CDC42BPB: variants seen among roughly 807,000 people sequenced by gnomAD.
CDC42BPB encodes the protein CDC42 binding protein kinase beta.
In CDC42BPB, 37 loss-of-function variants were observed where a neutral mutation model predicts 214.9. That is an observed-to-expected ratio of 0.17 (90% CI 0.13 to 0.23). The LOEUF (loss-of-function observed/expected upper bound fraction) is 0.23, where lower values mean the gene tolerates loss of function less well. Ranked by LOEUF, CDC42BPB falls within the 10% of genes least tolerant of loss-of-function variation. CDC42BPB has a pLI of 1.00. For synonymous variants in CDC42BPB, 931 were observed against 884.0 expected, an observed-to-expected ratio of 1.05 and a Z score of -0.94; for missense variants, 1,694 against 2,227.0, an observed-to-expected ratio of 0.76 and a Z score of 4.82.
chr14:103,003,320 C>T (rs935906276), intron 4 of CDC42BPB, among the ~76,000 whole-genome samples: 5 of 152,234 alleles, frequency 3.3e-5, no homozygotes, highest in African/African-American at 4.8e-5. Context: ...GCTGGTTTCC[C>T]CTTCACCGCC....
Position 102,984,669 on chromosome 14 carries a change from G to GGA in CDC42BPB, c.691-915_691-914dup, listed in dbSNP as rs528330095. On this transcript the variant is annotated intron_variant, in intron 6 of 36. Coordinates refer to ENST00000361246, the MANE Select transcript of CDC42BPB (RefSeq NM_006035.4). ...AAATCATCCAAGCAGAGAGAACGAT[G>GGA]GAGAGTATAGGGCCATCCTGACGGG... Among the ~76,000 whole-genome samples, 39 of 152,096 alleles carry GGA rather than the reference G, an allele frequency of 2.6e-4. 1 individual carries two copies. Among genetic ancestry groups the GGA allele is most frequent in the Admixed American group, 2.6e-3 (39 of 15,278 alleles).
Position 102,947,765 on chromosome 14 carries a change from C to T in CDC42BPB, c.3487G>A (p.Asp1163Asn). 1 of 1,612,626 alleles carries T rather than the reference C, an allele frequency of 6.2e-7. No individual in the cohort carries two copies. Among genetic ancestry groups the T allele is most frequent in the Non-Finnish European group, 8.5e-7 (1 of 1,179,884 alleles). The change falls in exon 27 of 37, where the codon GAT becomes AAT. Residue 1163 changes from aspartate to asparagine, a missense_variant. By Grantham distance (23) the Asp-to-Asn change is conservative. Coordinates refer to ENST00000361246, the MANE Select transcript of CDC42BPB (RefSeq NM_006035.4). Reference sequence around the variant, plus strand: ...TCTCGGCGTGTAGCATGAATGACATCTGAGGCCAGGACTGAGCTCACGGAA... The same window carrying T: ...TCTCGGCGTGTAGCATGAATGACATTTGAGGCCAGGACTGAGCTCACGGAA... ...EFSVSSVLAS[D>N]VIHATRRDIP...
Position 102,975,755 on chromosome 14 carries a change from C to G in CDC42BPB, c.1436G>C (p.Ser479Thr). 8 of 1,614,144 alleles carry G rather than the reference C, an allele frequency of 5.0e-6. No homozygotes were observed. Among genetic ancestry groups the G allele is most frequent in the Non-Finnish European group, 5.9e-6 (7 of 1,180,018 alleles). ...QSLHGSSRAL[S>T]NSNRDKEIKK... ...GATTTCTTTATCTCGGTTTGAATTGCTGAGGGCCCGAGATGAGCCGTGGAG... is the reference window on the plus strand; with the variant it reads ...GATTTCTTTATCTCGGTTTGAATTGGTGAGGGCCCGAGATGAGCCGTGGAG... Residue 479 changes from serine (S) to threonine (T), a missense_variant, in exon 11 of 37, where the codon AGC becomes ACC. Physicochemically the swap from Ser to Thr is moderately conservative, Grantham distance 58 (BLOSUM62 1). Around this residue, in one of 7 missense-constraint regions of CDC42BPB, gnomAD observed 462 missense variants for 513.5 expected, o/e 0.90. Coordinates refer to ENST00000361246, the MANE Select transcript of CDC42BPB (RefSeq NM_006035.4).
chr14:102,981,694 T>C (rs1446401612), intron 7 of CDC42BPB, among the ~76,000 whole-genome samples: 1 of 152,142 alleles, frequency 6.6e-6, no homozygotes, highest in African/African-American at 2.4e-5. Flanking sequence ...CGAGAATCGC[T>C]TAAACTCGGG....
chr14:103,003,503 C>CA (rs1329354111), intron 4 of CDC42BPB, among the ~76,000 whole-genome samples: 3 of 151,804 alleles, frequency 2.0e-5, no homozygotes, highest in African/African-American at 7.2e-5. Flanking sequence ...GCCTGGGGCA[C>CA]CCCCCCCACC....
chr14:102,981,610 G>A (rs185169208), intron 7 of CDC42BPB, among the ~76,000 whole-genome samples: 2 of 152,208 alleles, frequency 1.3e-5, no homozygotes, highest in East Asian at 3.9e-4. Context: ...GTGAAACCCT[G>A]TCTCTACTAA....
At chr14:102,969,379 G>A (rs1041099770) in intron 14 of CDC42BPB, among the ~76,000 whole-genome samples, 10 of 152,148 alleles carry the variant, frequency 6.6e-5, no homozygotes, top group Admixed American at 4.6e-4. Flanking sequence ...AGGCCCTGCC[G>A]CACAGGAATG....
intron 5 of CDC42BPB, among the ~76,000 whole-genome samples, chr14:102,988,055 C>T (rs189101978): frequency 1.3e-5 from 2 of 152,076 alleles, no homozygotes; most frequent in South Asian, 2.1e-4. Context: ...GCTGATTTAA[C>T]TCAGGGAAGA....
intron 2 of CDC42BPB, among the ~76,000 whole-genome samples, chr14:103,010,781 C>T (rs1886112225): frequency 6.6e-6 from 1 of 152,192 alleles, no homozygotes; most frequent in Admixed American, 6.5e-5. Flanking sequence ...CCTGTAATCC[C>T]AGCACTTTGG....
chr14:103,003,238 C>A (rs1002118888), intron 4 of CDC42BPB, among the ~76,000 whole-genome samples: 5 of 152,176 alleles, frequency 3.3e-5, no homozygotes, highest in Non-Finnish European at 7.3e-5. Context: ...TTCAGGCAAA[C>A]CTAGAGTCAC....
chr14:102,966,454 G>A, intron 17 of CDC42BPB, 67 bp from the exon 18 acceptor site: 2 of 1,591,104 alleles, frequency 1.3e-6, no homozygotes, highest in Non-Finnish European at 1.7e-6. Context: ...AACAAGAAGG[G>A]GACGTTCCCG....
chr14:102,947,561 TG>T (rs1386429279), intron 27 of CDC42BPB, among the ~76,000 whole-genome samples, 159 bp downstream of exon 27: 1 of 151,848 alleles, frequency 6.6e-6, no homozygotes, highest in African/African-American at 2.4e-5. Context: ...GGCTGCTACT[TG>T]GCCAGGACGG....
intron 5 of CDC42BPB, among the ~76,000 whole-genome samples, chr14:102,992,126 C>T (rs1427106087): frequency 6.6e-6 from 1 of 152,066 alleles, no homozygotes; most frequent in Non-Finnish European, 1.5e-5. Flanking sequence ...GGGTGGTGAC[C>T]CCTGGGGAGG....
Position 102,938,408 on chromosome 14 carries a change from C to T in CDC42BPB, c.4831G>A (p.Ala1611Thr). Residue 1611 changes from alanine (A) to threonine (T), a missense_variant, in exon 35 of 37, where the codon GCT (alanine) becomes ACT (threonine). Physicochemically the swap from Ala to Thr is moderately conservative, Grantham distance 58 (BLOSUM62 0). Around this residue, in one of 7 missense-constraint regions of CDC42BPB, gnomAD observed 146 missense variants for 134.1 expected, o/e 1.09. Transcript: ENST00000361246. Reference sequence around the variant, plus strand: ...CTTTCCTCCTGGGAGGGGGGCACAGCACTCTGGGCAGAAATAGCAACACGT... The same window carrying T: ...CTTTCCTCCTGGGAGGGGGGCACAGTACTCTGGGCAGAAATAGCAACACGT... Reference protein sequence around the residue: ...MQVLMDLPLSAVPPSQEERPG... With the variant: ...MQVLMDLPLSTVPPSQEERPG... The T allele has an allele frequency of 6.5e-7, 1 of 1,535,760 alleles. No homozygotes were observed. Among genetic ancestry groups the T allele is most frequent in the South Asian group, 1.3e-5 (1 of 76,660 alleles).
intron 1 of CDC42BPB, among the ~76,000 whole-genome samples, chr14:103,022,964 GAA>G (rs1445283623): frequency 6.6e-6 from 1 of 151,540 alleles, no homozygotes; most frequent in Non-Finnish European, 1.5e-5. Flanking sequence ...TACACACCAT[GAA>G]AAAAGCAGCA....
intron 11 of CDC42BPB, among the ~76,000 whole-genome samples, chr14:102,974,809 A>G (rs1297721731): frequency 6.6e-6 from 1 of 152,108 alleles, no homozygotes; most frequent in African/African-American, 2.4e-5. Flanking sequence ...AAAATACAAA[A>G]AATTAGCCAG....
At chr14:102,981,529 C>T (rs1310783265) in intron 7 of CDC42BPB, among the ~76,000 whole-genome samples, 2 of 152,160 alleles carry the variant, frequency 1.3e-5, no homozygotes, top group African/African-American at 4.8e-5. Context: ...GCCTGTAATC[C>T]CAGCACTTTG....
intron 1 of CDC42BPB, among the ~76,000 whole-genome samples, chr14:103,045,061 A>C (rs1023582735): frequency 4.0e-5 from 6 of 151,454 alleles, no homozygotes. Context: ...TAAATAAATA[A>C]ATAAATATTG....
chr14:102,938,434 G>T, intron 34 of CDC42BPB, 23 bp from the exon 35 acceptor site: 1 of 1,516,274 alleles, frequency 6.6e-7, no homozygotes. Context: ...AGCAACACGT[G>T]AGCATGCTTG....
Sources: allele counts gnomAD v4.1 joint callset (sites outside exome capture counted in the v4.1 genomes callset), GRCh38; gene constraint gnomAD v4.1.1; regional missense constraint gnomAD v4.1.1; transcripts MANE v1.5; gene names NCBI Gene and HGNC (gene_info 2026-07-23, HGNC 2026-07-21).